The following SLC14A2 variants were observed in gnomAD, a reference collection of about 807,000 sequenced individuals.
SLC14A2 encodes the protein urea transporter 2.
Under a neutral mutation model 104.6 loss-of-function variants are expected in SLC14A2, and 91 were observed. The observed-to-expected ratio is 0.87, with a 90% confidence interval of 0.73 to 1.04. The LOEUF (loss-of-function observed/expected upper bound fraction) is 1.04. Ranked by LOEUF, SLC14A2 falls within the 50% of genes least tolerant of loss-of-function variation. The pLI is 0.00. For missense variants in SLC14A2, 1,189 were observed against 1,156.0 expected, an observed-to-expected ratio of 1.03 and a Z score of -0.41; for synonymous variants, 476 against 466.4, an observed-to-expected ratio of 1.02 and a Z score of -0.27.
At chr18:45,306,505 A>G (rs1165005727) in intron 1 of SLC14A2, among the ~76,000 whole-genome samples, 1 of 152,246 alleles carries the variant, frequency 6.6e-6, no homozygotes. Flanking sequence ...TGAGACTGAT[A>G]GTATTCCAAT....
At chr18:45,190,997 A>G in the SLC14A2 span, among the ~76,000 whole-genome samples, 516 of 152,208 alleles carry the variant, frequency 3.4e-3, 1 homozygote, top group Non-Finnish European at 4.2e-3. Context: ...CATGTTACAG[A>G]GGGAGAAAAT....
At chr18:45,394,421 A>G (rs558109365) in intron 1 of SLC14A2, among the ~76,000 whole-genome samples, 1 of 152,326 alleles carries the variant, frequency 6.6e-6, no homozygotes, top group East Asian at 1.9e-4. Flanking sequence ...CAAATTAAAT[A>G]TATATGAAAT....
At chr18:45,551,712 G>A (rs565092883) in intron 2 of SLC14A2, among the ~76,000 whole-genome samples, 4 of 152,296 alleles carry the variant, frequency 2.6e-5, no homozygotes, top group East Asian at 3.9e-4. Flanking sequence ...CCCAGAGGAG[G>A]GCAGGGCAGT....
intron 1 of SLC14A2, among the ~76,000 whole-genome samples, chr18:45,286,718 T>TTGTGTGTG (rs112827861): frequency 0.056 from 8,441 of 150,668 alleles, 594 homozygotes; most frequent in African/African-American, 0.16. Flanking sequence ...TCCCCCCAAC[T>TTGTGTGTG]TGTGTGTGTG....
At chr18:45,327,139 T>C (rs1486216950) in intron 1 of SLC14A2, among the ~76,000 whole-genome samples, 2 of 152,172 alleles carry the variant, frequency 1.3e-5, no homozygotes, top group Non-Finnish European at 2.9e-5. Context: ...TAACAAAATA[T>C]GCTCAACCCA....
chr18:45,552,362 C>T (rs1161647139), intron 2 of SLC14A2, among the ~76,000 whole-genome samples: 1 of 152,208 alleles, frequency 6.6e-6, no homozygotes, highest in Non-Finnish European at 1.5e-5. Context: ...CTGCCAGCCC[C>T]AGGCTCCTTC....
chr18:45,625,956 A>G, intron 3 of SLC14A2, 93 bp downstream of exon 3: 1 of 971,252 alleles, frequency 1.0e-6, no homozygotes, highest in Non-Finnish European at 1.4e-6. Flanking sequence ...TCCCTCACTC[A>G]TTCACCCTCA....
At chr18:45,446,988 A>G (rs2086781760) in intron 1 of SLC14A2, among the ~76,000 whole-genome samples, 1 of 152,012 alleles carries the variant, frequency 6.6e-6, no homozygotes, top group South Asian at 2.1e-4. Context: ...AGAGGAAGAG[A>G]GACTCATTCT....
rs759673860 is a variant in SLC14A2 at position 45,643,191 on chromosome 18, G to A, written c.1176+10G>A. The A allele has an allele frequency of 4.3e-6, 7 of 1,612,562 alleles. No individual in the cohort carries two copies. On this transcript the variant is annotated intron_variant, in intron 9 of 19. Coordinates refer to ENST00000255226, the MANE Select transcript of SLC14A2 (RefSeq NM_007163.4). ...CAACATCATGTCAGTGGTAAGTGTGGATTCTCCTGAACACTACCCCAAAGT... is the reference window on the plus strand; with the variant it reads ...CAACATCATGTCAGTGGTAAGTGTGAATTCTCCTGAACACTACCCCAAAGT...
At chr18:45,247,826 T>C (rs2084382191) in intron 1 of SLC14A2, among the ~76,000 whole-genome samples, 1 of 151,982 alleles carries the variant, frequency 6.6e-6, no homozygotes, top group South Asian at 2.1e-4. Context: ...ACCATGTCTC[T>C]CATGACCAAA....
intron 9 of SLC14A2, 36 bp from the exon 10 acceptor site, chr18:45,643,950 G>C: frequency 6.3e-7 from 1 of 1,598,506 alleles, no homozygotes; most frequent in Non-Finnish European, 8.6e-7. Context: ...CAGGAAACTA[G>C]GAAACTTCTT....
chr18:45,339,390 A>C (rs984169241), intron 1 of SLC14A2, among the ~76,000 whole-genome samples: 1 of 152,234 alleles, frequency 6.6e-6, no homozygotes, highest in African/African-American at 2.4e-5. Flanking sequence ...GCCACTGGTC[A>C]TAACGAGAAA....
chr18:45,457,153 T>C (rs866234317), intron 1 of SLC14A2, among the ~76,000 whole-genome samples: 1 of 152,206 alleles, frequency 6.6e-6, no homozygotes, highest in Non-Finnish European at 1.5e-5. Flanking sequence ...CTTTGTAGTA[T>C]ACGAAGGTTT....
intron 1 of SLC14A2, among the ~76,000 whole-genome samples, chr18:45,245,643 T>C (rs1385353547): frequency 3.3e-5 from 5 of 152,182 alleles, no homozygotes; most frequent in African/African-American, 1.2e-4. Context: ...AGTGGCCAAG[T>C]AGAGTGTAGA....
intron 2 of SLC14A2, among the ~76,000 whole-genome samples, chr18:45,543,811 T>C (rs2043926358): frequency 6.6e-6 from 1 of 152,226 alleles, no homozygotes; most frequent in Non-Finnish European, 1.5e-5. Context: ...TTAAGAGTGT[T>C]CCCACCGTTG....
At chr18:45,475,594 A>G (rs1320198637) in intron 1 of SLC14A2, among the ~76,000 whole-genome samples, 1 of 139,446 alleles carries the variant, frequency 7.2e-6, no homozygotes, top group Non-Finnish European at 1.5e-5. Context: ...ATATAGATAT[A>G]TGTTTAGGTT....
At chr18:45,636,193 A>T (rs1430780198) in intron 5 of SLC14A2, among the ~76,000 whole-genome samples, 1 of 152,224 alleles carries the variant, frequency 6.6e-6, no homozygotes, top group Non-Finnish European at 1.5e-5. Context: ...ATTCATGGTC[A>T]TTCATTAAAA....
intron 1 of SLC14A2, among the ~76,000 whole-genome samples, chr18:45,339,766 G>A (rs1568158572): frequency 1.3e-5 from 2 of 152,174 alleles, no homozygotes; most frequent in Admixed American, 1.3e-4. Context: ...TGGATTCCAG[G>A]CTGAGCAGGT....
At chr18:45,299,622 T>C (rs967796477) in intron 1 of SLC14A2, among the ~76,000 whole-genome samples, 1 of 152,174 alleles carries the variant, frequency 6.6e-6, no homozygotes, top group South Asian at 2.1e-4. Context: ...TCACCATACC[T>C]GGCTAATTTT....
Sources: gnomAD v4.1 joint callset for allele counts (sites outside exome capture counted in the v4.1 genomes callset) on GRCh38, gnomAD v4.1.1 for gene constraint, MANE v1.5 for transcripts, NCBI Gene and HGNC (gene_info 2026-07-23, HGNC 2026-07-21) for gene names.